The following NBAS variants were observed in gnomAD, a reference collection of about 807,000 sequenced individuals.
NBAS encodes NAG/BC035112 fusion.
NBAS carries 219 observed loss-of-function variants against 302.5 expected under a neutral mutation model. That is an observed-to-expected ratio of 0.72 (90% confidence interval 0.65 to 0.81). NBAS has a LOEUF of 0.81. Ranked by LOEUF, NBAS falls within the 30% of genes least tolerant of loss-of-function variation. The pLI, the probability that NBAS is intolerant of heterozygous loss-of-function variation, is 0.00. For missense variants in NBAS, 2,932 were observed against 2,841.6 expected (o/e 1.03, Z -0.72); for synonymous variants, 1,118 against 1,021.6 (o/e 1.09, Z -1.80).
At chr2:14,878,072 T>A in the NBAS span, among the ~76,000 whole-genome samples, 2 of 152,182 alleles carry the variant, frequency 1.3e-5, no homozygotes, top group Non-Finnish European at 2.9e-5. Context: ...CTAACTATTG[T>A]TCAACTACAG....
the NBAS span, among the ~76,000 whole-genome samples, chr2:14,853,636 G>C: frequency 2.2e-5 from 2 of 90,390 alleles, no homozygotes; most frequent in Admixed American, 2.1e-4. Flanking sequence ...TGTTTATTGC[G>C]GCATTATTCA....
chr2:15,137,089 G>A, the NBAS span, among the ~76,000 whole-genome samples: 66 of 152,264 alleles, frequency 4.3e-4, no homozygotes, highest in South Asian at 2.5e-3. Flanking sequence ...TCCACCATGG[G>A]AGGACAAAGC....
chr2:14,917,873 T>C, the NBAS span, among the ~76,000 whole-genome samples: 1 of 152,170 alleles, frequency 6.6e-6, no homozygotes, highest in African/African-American at 2.4e-5. Flanking sequence ...AAGTTCACAT[T>C]CCAGGTAAAG....
intron 43 of NBAS, 52 bp downstream of exon 43, chr2:15,276,799 C>T (rs894322201): frequency 1.2e-6 from 2 of 1,612,366 alleles, no homozygotes; most frequent in African/African-American, 2.7e-5. Flanking sequence ...GAAAATTAAT[C>T]CCCAGATTTA....
At chr2:15,560,208 C>T (rs1664845853) in intron 1 of NBAS, among the ~76,000 whole-genome samples, 1 of 151,978 alleles carries the variant, frequency 6.6e-6, no homozygotes, top group Admixed American at 6.6e-5. Context: ...ACGTGTTAAG[C>T]ACTCAATAAA....
At chr2:14,903,233 A>T in the NBAS span, among the ~76,000 whole-genome samples, 9 of 151,886 alleles carry the variant, frequency 5.9e-5, no homozygotes, top group African/African-American at 2.2e-4. Context: ...TCTGCAGAAG[A>T]TGGTTAAATT....
the NBAS span, among the ~76,000 whole-genome samples, chr2:15,011,463 T>A: frequency 4.6e-5 from 7 of 152,160 alleles, no homozygotes; most frequent in South Asian, 2.1e-4. Flanking sequence ...GTGCCTGTGT[T>A]TCAGACCGGA....
rs188000533 is a variant in NBAS at position 15,438,981 on chromosome 2, T to C, written c.2340-11187A>G. Among the ~76,000 whole-genome samples the C allele has an allele frequency of 6.6e-5, 10 of 152,306 alleles. No homozygotes were observed. The East Asian group carries it at 1.7e-3, about 26-fold the overall frequency. On this transcript the variant is annotated intron_variant, in intron 21 of 51. Transcript: ENST00000281513. ...ATCTGTAGGGTAACAGGTTTTATTA[T>C]TTTATTTCATTATATATTAAAGAAT...
chr2:15,495,742 A>G (rs568324799), intron 11 of NBAS, among the ~76,000 whole-genome samples: 1 of 152,266 alleles, frequency 6.6e-6, no homozygotes, highest in African/African-American at 2.4e-5. Flanking sequence ...TTCAAACAAG[A>G]ACCACTTCAC....
chr2:15,390,832 C>T (rs1049314518), intron 28 of NBAS, among the ~76,000 whole-genome samples: 3 of 151,992 alleles, frequency 2.0e-5, no homozygotes, highest in African/African-American at 4.8e-5. Flanking sequence ...AATTATTTTG[C>T]GGCCAGGCGT....
chr2:15,536,148 A>G (rs559207623), intron 8 of NBAS, among the ~76,000 whole-genome samples: 2 of 152,208 alleles, frequency 1.3e-5, no homozygotes, highest in Non-Finnish European at 2.9e-5. Flanking sequence ...TTGAGTACTG[A>G]TATGTCCAAC....
the NBAS span, among the ~76,000 whole-genome samples, chr2:15,096,869 C>A: frequency 1.3e-5 from 2 of 152,144 alleles, no homozygotes; most frequent in East Asian, 3.8e-4. Flanking sequence ...AATAAAGTTA[C>A]AGAGGAGCAA....
At chr2:15,190,552 C>T in intron 48 of NBAS, 149 bp from the exon 49 acceptor site, 3 of 892,314 alleles carry the variant, frequency 3.4e-6, no homozygotes, top group Non-Finnish European at 3.4e-6. Context: ...ACCTCAAAAG[C>T]TCTAAGCCTT....
At chr2:15,277,644 A>G (rs755624660) in intron 42 of NBAS, among the ~76,000 whole-genome samples, 2 of 152,224 alleles carry the variant, frequency 1.3e-5, no homozygotes, top group Admixed American at 6.5e-5. Flanking sequence ...ATAGAAAAAG[A>G]GGGATAATTA....
At chr2:15,493,231 A>C (rs1003903812) in intron 11 of NBAS, among the ~76,000 whole-genome samples, 3 of 152,222 alleles carry the variant, frequency 2.0e-5, no homozygotes, top group Non-Finnish European at 2.9e-5. Context: ...TGAGTCAATT[A>C]AACTTCCTTT....
chr2:14,901,892 C>T, the NBAS span, among the ~76,000 whole-genome samples: 1 of 152,116 alleles, frequency 6.6e-6, no homozygotes, highest in Non-Finnish European at 1.5e-5. Context: ...GGACCCTGGA[C>T]AATGCCCAAG....
chr2:14,877,237 A>C, the NBAS span, among the ~76,000 whole-genome samples: 1 of 152,114 alleles, frequency 6.6e-6, no homozygotes, highest in Non-Finnish European at 1.5e-5. Flanking sequence ...GTGTTTTCGC[A>C]CTGCTTTCCA....
chr2:14,846,679 G>A, the NBAS span, among the ~76,000 whole-genome samples: 2 of 152,006 alleles, frequency 1.3e-5, no homozygotes, highest in South Asian at 2.1e-4. Flanking sequence ...AAAAGTGGGG[G>A]TAAAGTTATA....
chr2:15,211,047 C>T (rs546809588), intron 48 of NBAS, among the ~76,000 whole-genome samples: 1 of 152,134 alleles, frequency 6.6e-6, no homozygotes, highest in East Asian at 1.9e-4. Context: ...ATAAATAAGA[C>T]TTAGTATCTG....
Sources: allele counts gnomAD v4.1 joint callset (sites outside exome capture counted in the v4.1 genomes callset), GRCh38; gene constraint gnomAD v4.1.1; transcripts MANE v1.5; gene names NCBI Gene and HGNC (gene_info 2026-07-23, HGNC 2026-07-21).